The following VWA3B variants were observed in gnomAD, a reference collection of about 807,000 sequenced individuals.
The protein encoded by VWA3B is von Willebrand factor A domain containing 3B, also known as von Willebrand factor A domain-containing protein 3B.
Under a neutral mutation model 158.3 loss-of-function variants are expected in VWA3B, and 138 were observed. The observed-to-expected ratio is 0.87, with a 90% CI of 0.76 to 1.00. The LOEUF (loss-of-function observed/expected upper bound fraction) is 1.00. VWA3B is among the 50% of genes least tolerant of loss of function. The pLI is 0.00. For missense variants in VWA3B, 1,555 were observed against 1,565.1 expected (o/e 0.99, Z 0.11); for synonymous variants, 596 against 587.3 (o/e 1.01, Z -0.21).
chr2:98,281,499 G>A (rs1425857999), intron 22 of VWA3B, among the ~76,000 whole-genome samples: 2 of 152,180 alleles, frequency 1.3e-5, no homozygotes, highest in Non-Finnish European at 2.9e-5. Flanking sequence ...GGCAGGAAAA[G>A]TATTTAGTAG....
At chr2:98,159,798 C>T (rs1392071828) in intron 7 of VWA3B, among the ~76,000 whole-genome samples, 1 of 151,628 alleles carries the variant, frequency 6.6e-6, no homozygotes, top group Non-Finnish European at 1.5e-5. Flanking sequence ...GGGTGGATCA[C>T]CTGAGGTCAG....
At position 98,180,894 on chromosome 2, in the gene VWA3B, T is replaced by C. The variant is rs1018772087; in HGVS notation, c.1115-122T>C. On this transcript the variant is annotated intron_variant, in intron 8 of 27. Transcript: ENST00000477737. ...AGTCCTGCTTTGGAAAGCTGTTTTC[T>C]GAAATGAAACATGGGCTTTGTGTCT... 4.8e-6 allele frequency: 5 copies of C among 1,037,848 alleles called. No individual in the cohort carries two copies. The African/African-American group carries it at 6.4e-5, about 13-fold the overall frequency. 64.3% of individuals were successfully genotyped at this position (1,037,848 alleles called of 1,614,324 possible).
rs1406556875 is a variant in VWA3B, at chr2:98,303,689, G to A, written c.3421-13G>A. On this transcript the variant is annotated splice_polypyrimidine_tract_variant and intron_variant, in intron 25 of 27. Coordinates refer to ENST00000477737, the MANE Select transcript of VWA3B (RefSeq NM_144992.5). ...TGATTTAAGTTGAGTGAACTCTGTT[G>A]GTATTATTACAGGAATTTTGCCCTC... The A allele has an allele frequency of 2.5e-6, 4 of 1,610,710 alleles. No individual in the cohort carries two copies. In the African/African-American group the frequency reaches 4.0e-5, roughly 16 times the overall value.
intron 12 of VWA3B, among the ~76,000 whole-genome samples, chr2:98,208,335 T>G (rs1346509341): frequency 6.6e-6 from 1 of 152,170 alleles, no homozygotes; most frequent in African/African-American, 2.4e-5. Context: ...GTAATTGGTA[T>G]ATGTAGGTGA....
intron 19 of VWA3B, among the ~76,000 whole-genome samples, chr2:98,240,473 G>C (rs1686008059): frequency 6.6e-6 from 1 of 152,178 alleles, no homozygotes; most frequent in Non-Finnish European, 1.5e-5. Flanking sequence ...CCTCAAGTCA[G>C]ATGGCTGGAC....
chr2:98,153,786 A>T (rs532207301), intron 7 of VWA3B, among the ~76,000 whole-genome samples: 1 of 152,246 alleles, frequency 6.6e-6, no homozygotes, highest in Non-Finnish European at 1.5e-5. Context: ...GCCACGTTGC[A>T]ACTGACAAGG....
chr2:98,181,334 T>G, intron 9 of VWA3B, 122 bp downstream of exon 9: 1 of 1,071,426 alleles, frequency 9.3e-7, no homozygotes, highest in Non-Finnish European at 1.4e-6. Context: ...CTTGGGTTTC[T>G]GTGAAGAACA....
chr2:98,102,762 C>G (rs1683177528), intron 2 of VWA3B, among the ~76,000 whole-genome samples: 2 of 152,184 alleles, frequency 1.3e-5, no homozygotes, highest in South Asian at 2.1e-4. Context: ...TGTTCCTCCT[C>G]CTCTATGCTT....
intron 14 of VWA3B, among the ~76,000 whole-genome samples, chr2:98,220,167 A>T (rs1356934447): frequency 4.1e-3 from 66 of 15,948 alleles, no homozygotes; most frequent in East Asian, 0.032. Context: ...CTGTCTCATA[A>T]AAAAAAAAAA....
At position 98,255,311 on chromosome 2, in the gene VWA3B, C is replaced by T. The variant is rs1449809601; in HGVS notation, c.2793-813C>T. ...CCTCCCAAAGTGCTAGGATTACAGG[C>T]GTGAGCCACTGCACCCGGCTGGAAG... On this transcript the variant is annotated intron_variant, in intron 20 of 27. Transcript: ENST00000477737. 8.9e-5 allele frequency among the ~76,000 whole-genome samples: 13 copies of T among 146,018 alleles called. No individual in the cohort carries two copies. In the East Asian group the frequency reaches 2.5e-3, roughly 28 times the overall value.
intron 9 of VWA3B, among the ~76,000 whole-genome samples, chr2:98,184,626 C>T (rs1434674759): frequency 6.6e-6 from 1 of 152,248 alleles, no homozygotes; most frequent in African/African-American, 2.4e-5. Context: ...AAAATCCCCC[C>T]ACCCCGCCCT....
intron 14 of VWA3B, among the ~76,000 whole-genome samples, chr2:98,219,337 A>C (rs1050825051): frequency 2.0e-5 from 3 of 152,260 alleles, no homozygotes; most frequent in African/African-American, 7.2e-5. Flanking sequence ...TGAACAGCAG[A>C]TCAGACATTG....
intron 13 of VWA3B, among the ~76,000 whole-genome samples, chr2:98,213,009 T>C (rs1488199347): frequency 1.3e-5 from 2 of 152,136 alleles, no homozygotes; most frequent in Non-Finnish European, 2.9e-5. Flanking sequence ...TTGCCTGTGC[T>C]ATGTCTAGGG....
At chr2:98,310,581 A>G (rs1690823620) in intron 26 of VWA3B, among the ~76,000 whole-genome samples, 2 of 152,232 alleles carry the variant, frequency 1.3e-5, no homozygotes, top group Non-Finnish European at 2.9e-5. Context: ...GTATCAACTT[A>G]TTCTGCTCTG....
intron 1 of VWA3B, among the ~76,000 whole-genome samples, chr2:98,092,826 A>G (rs1356848117): frequency 1.2e-4 from 12 of 103,716 alleles, no homozygotes; most frequent in African/African-American, 4.6e-4. Flanking sequence ...GTATATATAT[A>G]TATATATATA....
At chr2:98,147,822 G>A (rs1573906455) in intron 7 of VWA3B, among the ~76,000 whole-genome samples, 1 of 151,804 alleles carries the variant, frequency 6.6e-6, no homozygotes, top group Non-Finnish European at 1.5e-5. Flanking sequence ...TTTACATTAG[G>A]TATATCTCCT....
At chr2:98,215,391 A>G (rs2105579937) in intron 13 of VWA3B, among the ~76,000 whole-genome samples, 1 of 149,984 alleles carries the variant, frequency 6.7e-6, no homozygotes, top group South Asian at 2.2e-4. Flanking sequence ...CAGTGAGCCG[A>G]GATCGCGCCA....
At chr2:98,229,606 A>G (rs74746113) in intron 15 of VWA3B, among the ~76,000 whole-genome samples, 6,252 of 152,264 alleles carry the variant, frequency 0.041, 194 homozygotes, top group Middle Eastern at 0.082. Context: ...TCTAGCTTTT[A>G]TAAGTGCTTG....
Position 98,228,242 on chromosome 2 carries a change from G to A in VWA3B, c.2060G>A (p.Gly687Asp). 6.2e-7 allele frequency: 1 copy of A among 1,614,076 alleles called. No homozygotes were observed. ...CTTTTAGTTAAGGAAATGGAACAGG[G>A]TCACAGTGATCTGGAGAAGATGCAA... ...LTLLVKEMEQGHSDLEKMQDL... is the reference protein window; with the variant it reads ...LTLLVKEMEQDHSDLEKMQDL... The change falls in exon 15 of 28, where the codon GGT becomes GAT. Residue 687 changes from glycine (G) to aspartate (D), a missense_variant. Physicochemically the swap from Gly to Asp is moderately conservative, Grantham distance 94. Coordinates refer to ENST00000477737, the MANE Select transcript of VWA3B (RefSeq NM_144992.5).
Sources: allele counts gnomAD v4.1 joint callset (sites outside exome capture counted in the v4.1 genomes callset), GRCh38; gene constraint gnomAD v4.1.1; transcripts MANE v1.5; gene names NCBI Gene and HGNC (gene_info 2026-07-23, HGNC 2026-07-21).